ATP2B2: variants seen among roughly 807,000 people sequenced by gnomAD.
ATP2B2 encodes the protein ATPase plasma membrane Ca2+ transporting 2.
ATP2B2 carries 15 observed loss-of-function variants against 120.0 expected under a neutral mutation model. That is an observed-to-expected ratio of 0.12 (90% CI 0.08 to 0.19). ATP2B2 has a LOEUF of 0.19. ATP2B2 is among the 10% of genes least tolerant of loss of function. ATP2B2 has a pLI of 1.00. For missense variants in ATP2B2, 1,045 were observed against 1,719.8 expected (o/e 0.61, Z 6.94); for synonymous variants, 694 against 700.3 (o/e 0.99, Z 0.14).
intron 5 of ATP2B2, among the ~76,000 whole-genome samples, chr3:10,393,067 G>A (rs935747531): frequency 3.3e-5 from 5 of 152,202 alleles, no homozygotes; most frequent in African/African-American, 9.7e-5. Context: ...CCAGGCTCTC[G>A]GGTCTGAGAG....
chr3:10,442,361 C>T (rs945223845), intron 2 of ATP2B2, among the ~76,000 whole-genome samples: 5 of 152,236 alleles, frequency 3.3e-5, no homozygotes, highest in African/African-American at 1.2e-4. Context: ...GCCCTTCAGT[C>T]AGCTGCCGGG....
chr3:10,426,600 G>A (rs1487805912), intron 2 of ATP2B2, among the ~76,000 whole-genome samples: 4 of 152,204 alleles, frequency 2.6e-5, no homozygotes, highest in Admixed American at 6.5e-5. Flanking sequence ...GCCACAGAAG[G>A]ACTTGGGGAA....
chr3:10,340,151 C>T lies in ATP2B2; in HGVS notation c.3237+91G>A. 2 of 1,276,938 alleles carry T rather than the reference C, an allele frequency of 1.6e-6. No individual in the cohort carries two copies. The highest frequency in any genetic ancestry group is 2.2e-6 in the Non-Finnish European group (2 of 889,728). The allele number at this position is 1,276,938 out of a possible 1,614,324, so 79.1% of individuals were successfully genotyped here. On this transcript the variant is annotated intron_variant, in intron 21 of 22. Coordinates refer to ENST00000360273, the MANE Select transcript of ATP2B2 (RefSeq NM_001001331.4). The surrounding 1 kb of genome is among the most constrained non-coding windows in gnomAD (Gnocchi z 5.0). Reference sequence around the variant, plus strand: ...AGGGAGGAGCTTGCCTGGGGTCTGGCAGCCCATTCCTGGGGGTCCTGGATT... The same window carrying T: ...AGGGAGGAGCTTGCCTGGGGTCTGGTAGCCCATTCCTGGGGGTCCTGGATT...
intron 1 of ATP2B2, among the ~76,000 whole-genome samples, chr3:10,660,065 A>G (rs1559508777): frequency 6.6e-6 from 1 of 152,230 alleles, no homozygotes; most frequent in Non-Finnish European, 1.5e-5. Flanking sequence ...TGAAGACACA[A>G]CATACCAGAA....
intron 1 of ATP2B2, among the ~76,000 whole-genome samples, chr3:10,638,455 T>TA (rs2070083016): frequency 6.6e-6 from 1 of 151,816 alleles, no homozygotes; most frequent in African/African-American, 2.4e-5. Context: ...AAAAAACCAC[T>TA]AAAATAACAA....
chr3:10,646,875 T>C (rs931501852), intron 1 of ATP2B2, among the ~76,000 whole-genome samples: 1 of 152,102 alleles, frequency 6.6e-6, no homozygotes, highest in Non-Finnish European at 1.5e-5. Context: ...ACAACTCCCA[T>C]CGGAACAGAA....
intron 2 of ATP2B2, among the ~76,000 whole-genome samples, chr3:10,595,087 C>T (rs936119249): frequency 6.6e-6 from 1 of 152,234 alleles, no homozygotes; most frequent in African/African-American, 2.4e-5. Flanking sequence ...TGGATAGCTC[C>T]AGGTGCCTCT....
intron 2 of ATP2B2, among the ~76,000 whole-genome samples, chr3:10,418,298 T>C (rs1276178511): frequency 1.3e-5 from 2 of 152,174 alleles, no homozygotes; most frequent in Admixed American, 1.3e-4. Flanking sequence ...AAGTGGAACA[T>C]GGTTAATTAA....
chr3:10,631,707 G>C (rs1039908235), intron 1 of ATP2B2, among the ~76,000 whole-genome samples: 1 of 152,100 alleles, frequency 6.6e-6, no homozygotes, highest in African/African-American at 2.4e-5. Flanking sequence ...CCATACAATG[G>C]GCTCCTCCTC....
chr3:10,673,721 C>T (rs748595913), intron 1 of ATP2B2, among the ~76,000 whole-genome samples: 8 of 144,464 alleles, frequency 5.5e-5, no homozygotes, highest in Non-Finnish European at 1.2e-4. Context: ...TTGGGAGTAT[C>T]GCTTGAGCCT....
At chr3:10,376,858 A>AG (rs33936244) in intron 10 of ATP2B2, among the ~76,000 whole-genome samples, 152,284 of 152,286 alleles carry the variant, frequency 1, 76,141 homozygotes, top group Non-Finnish European at 1. Flanking sequence ...AGAGGAGGGC[A>AG]GGATGGATTT....
At chr3:10,359,251 G>T (rs2060827414) in intron 13 of ATP2B2, among the ~76,000 whole-genome samples, 1 of 152,182 alleles carries the variant, frequency 6.6e-6, no homozygotes, top group Admixed American at 6.5e-5. Flanking sequence ...TTGCTTGGAG[G>T]AGCCTTTAAT....
chr3:10,483,441 G>A (rs2065495359), intron 1 of ATP2B2, among the ~76,000 whole-genome samples: 1 of 152,218 alleles, frequency 6.6e-6, no homozygotes, highest in Non-Finnish European at 1.5e-5. Context: ...CCCTGGCCTG[G>A]TCTGTGCCGA....
chr3:10,407,331 C>T (rs770379951), intron 3 of ATP2B2, among the ~76,000 whole-genome samples: 9 of 152,308 alleles, frequency 5.9e-5, no homozygotes, highest in East Asian at 3.9e-4. Context: ...CTGGTGAAGC[C>T]GGTGGTGGAA....
chr3:10,433,392 G>A (rs180946545), intron 2 of ATP2B2, among the ~76,000 whole-genome samples: 139 of 152,288 alleles, frequency 9.1e-4, no homozygotes, highest in Non-Finnish European at 1.5e-3. Flanking sequence ...ACAGAGTAGG[G>A]GGTGCTATTT....
At chr3:10,552,071 T>A (rs1048571455) in intron 2 of ATP2B2, among the ~76,000 whole-genome samples, 1 of 152,258 alleles carries the variant, frequency 6.6e-6, no homozygotes, top group Non-Finnish European at 1.5e-5. Context: ...ACTGTGCCTA[T>A]CCTGGGGCCC....
chr3:10,654,826 A>G (rs2070570772), intron 1 of ATP2B2, among the ~76,000 whole-genome samples: 2 of 151,798 alleles, frequency 1.3e-5, no homozygotes. Flanking sequence ...GAGAGTCACA[A>G]GGCCTTGGGC....
chr3:10,331,575 C>T (rs1455355406), intron 22 of ATP2B2, among the ~76,000 whole-genome samples: 5 of 151,722 alleles, frequency 3.3e-5, no homozygotes, highest in East Asian at 1.9e-4. Flanking sequence ...ACTGTGGGGA[C>T]GAGACTTTTT....
At chr3:10,521,457 G>C (rs2066983995) in intron 3 of ATP2B2, among the ~76,000 whole-genome samples, 1 of 152,176 alleles carries the variant, frequency 6.6e-6, no homozygotes, top group South Asian at 2.1e-4. Flanking sequence ...GGATAATGTC[G>C]GTGATTATGG....
Sources: allele counts gnomAD v4.1 joint callset (sites outside exome capture counted in the v4.1 genomes callset), GRCh38; gene constraint gnomAD v4.1.1; non-coding constraint Gnocchi (gnomAD v3.1); transcripts MANE v1.5; gene names NCBI Gene and HGNC (gene_info 2026-07-23, HGNC 2026-07-21).